Variants in OXR1 observed in about 807,000 individuals in gnomAD.
The protein encoded by OXR1 is oxidation resistance 1, also known as oxidation resistance protein 1.
A neutral mutation model predicts 104.6 loss-of-function variants in OXR1; 41 were observed. The observed-to-expected ratio is 0.39, with a 90% CI of 0.31 to 0.51. The LOEUF is 0.51. OXR1 is among the 20% of genes least tolerant of loss of function. OXR1 has a pLI of 0.77. For synonymous variants in OXR1, 348 were observed against 348.4 expected, an observed-to-expected ratio of 1.00 and a Z score of 0.01; for missense variants, 955 against 1,031.9, an observed-to-expected ratio of 0.93 and a Z score of 1.02.
intron 3 of OXR1, among the ~76,000 whole-genome samples, chr8:106,617,799 A>G (rs1350619856): frequency 2.0e-5 from 3 of 152,216 alleles, no homozygotes; most frequent in South Asian, 2.1e-4. Context: ...TTACTTTATG[A>G]TAAGAAATTG....
chr8:106,666,326 T>C (rs763170891), intron 3 of OXR1, among the ~76,000 whole-genome samples: 21 of 152,218 alleles, frequency 1.4e-4, no homozygotes, highest in Non-Finnish European at 2.8e-4. Flanking sequence ...TGGTAGCCAC[T>C]AGGCAAATAT....
chr8:106,347,629 G>A (rs1207011971), intron 1 of OXR1, among the ~76,000 whole-genome samples: 2 of 152,252 alleles, frequency 1.3e-5, no homozygotes, highest in South Asian at 4.1e-4. Context: ...TGTTCTTGAG[G>A]AATTAGTAAA....
intron 3 of OXR1, among the ~76,000 whole-genome samples, chr8:106,542,754 C>T (rs1334412006): frequency 6.6e-6 from 1 of 151,828 alleles, no homozygotes; most frequent in Non-Finnish European, 1.5e-5. Context: ...AAGTAAATTT[C>T]TCATTATTTA....
At chr8:106,422,775 A>G (rs530189058) in intron 2 of OXR1, among the ~76,000 whole-genome samples, 1 of 152,296 alleles carries the variant, frequency 6.6e-6, no homozygotes, top group East Asian at 1.9e-4. Context: ...AGACTGCCTA[A>G]GGTCACAGTC....
At chr8:106,405,837 C>G (rs1401757348) in intron 2 of OXR1, among the ~76,000 whole-genome samples, 1 of 152,090 alleles carries the variant, frequency 6.6e-6, no homozygotes, top group Admixed American at 6.5e-5. Flanking sequence ...TGTTTATCCA[C>G]AGAATAATAA....
chr8:106,405,907 A>G (rs955860078), intron 2 of OXR1, among the ~76,000 whole-genome samples: 2 of 152,208 alleles, frequency 1.3e-5, no homozygotes, highest in Non-Finnish European at 2.9e-5. Flanking sequence ...TTATGCAGTG[A>G]TAGATAACTG....
chr8:106,316,291 G>T (rs1813934007), intron 1 of OXR1, among the ~76,000 whole-genome samples: 2 of 152,118 alleles, frequency 1.3e-5, no homozygotes, highest in Admixed American at 1.3e-4. Flanking sequence ...ACAAACCCAG[G>T]TTAATAAAAA....
At chr8:106,300,898 G>A (rs1813209350) in intron 1 of OXR1, among the ~76,000 whole-genome samples, 1 of 152,170 alleles carries the variant, frequency 6.6e-6, no homozygotes, top group South Asian at 2.1e-4. Context: ...TATTTCTGCA[G>A]AAATTAGTTG....
At chr8:106,460,669 G>A (rs1379880496) in intron 2 of OXR1, among the ~76,000 whole-genome samples, 1 of 152,098 alleles carries the variant, frequency 6.6e-6, no homozygotes, top group African/African-American at 2.4e-5. Context: ...TCATCTGATG[G>A]TATGTTTCAA....
intron 2 of OXR1, among the ~76,000 whole-genome samples, chr8:106,363,606 A>G (rs1417359045): frequency 6.6e-6 from 1 of 150,496 alleles, no homozygotes; most frequent in East Asian, 1.9e-4. Context: ...ATACTTTGCC[A>G]TCTTCTGTTT....
intron 3 of OXR1, among the ~76,000 whole-genome samples, chr8:106,668,385 CT>C (rs1826572077): frequency 6.6e-6 from 1 of 152,126 alleles, no homozygotes; most frequent in South Asian, 2.1e-4. Flanking sequence ...ATTTTTTAAG[CT>C]CCCAAGCATA....
chr8:106,640,907 A>G lies in OXR1; in HGVS notation c.221-38303A>G, dbSNP rs145757857. Among the ~76,000 whole-genome samples, 785 of 152,344 alleles carry G rather than the reference A, an allele frequency of 5.2e-3. 5 individuals are homozygous for G. The highest frequency in any genetic ancestry group is 0.017 in the African/African-American group (715 of 41,594). Reference sequence around the variant, plus strand: ...TCCAAAATCAAACTAGAACATATGCATACTATAAAGTAAATTTACTTCATT... The same window carrying G: ...TCCAAAATCAAACTAGAACATATGCGTACTATAAAGTAAATTTACTTCATT... On this transcript the variant is annotated intron_variant, in intron 3 of 16. Transcript: ENST00000517566.
chr8:106,670,064 T>C (rs959658651), intron 3 of OXR1, among the ~76,000 whole-genome samples: 3 of 152,162 alleles, frequency 2.0e-5, no homozygotes, highest in African/African-American at 7.2e-5. Context: ...GTAGTGTTGA[T>C]TCCTGAAACA....
At chr8:106,377,155 C>T (rs1256350302) in intron 2 of OXR1, among the ~76,000 whole-genome samples, 1 of 152,120 alleles carries the variant, frequency 6.6e-6, no homozygotes, top group African/African-American at 2.4e-5. Context: ...TATTTCAGTA[C>T]TTCAGAAATG....
intron 3 of OXR1, among the ~76,000 whole-genome samples, chr8:106,563,344 T>C (rs1050439304): frequency 7.4e-5 from 11 of 149,294 alleles, no homozygotes; most frequent in Non-Finnish European, 1.5e-4. Flanking sequence ...GCTATCCTAG[T>C]CTCTGGTAAA....
rs149162892 is a variant in OXR1, at chr8:106,419,386, A to G, written c.23+59750A>G. On this transcript the variant is annotated intron_variant, in intron 2 of 16. Transcript: ENST00000517566. ...GGTGTATTGGTTTGTTCAAGGTCAC[A>G]TGATGAGTCTGTCAGCAGATCTGCA... Among the ~76,000 whole-genome samples, 355 of 152,316 alleles carry G rather than the reference A, an allele frequency of 2.3e-3. 1 individual carries two copies. The highest frequency in any genetic ancestry group is 7.8e-3 in the African/African-American group (326 of 41,594).
intron 3 of OXR1, among the ~76,000 whole-genome samples, chr8:106,579,925 T>C (rs892013972): frequency 6.6e-6 from 1 of 150,888 alleles, no homozygotes; most frequent in Middle Eastern, 3.4e-3. Context: ...AGCAGAAGCA[T>C]GTGCATTCTG....
At chr8:106,346,787 C>A (rs924989279) in intron 1 of OXR1, among the ~76,000 whole-genome samples, 1 of 152,094 alleles carries the variant, frequency 6.6e-6, no homozygotes, top group Non-Finnish European at 1.5e-5. Flanking sequence ...CGCTTGTAAT[C>A]CCAGCACTTT....
At chr8:106,684,710 A>G (rs1828520283) in intron 6 of OXR1, among the ~76,000 whole-genome samples, 1 of 152,172 alleles carries the variant, frequency 6.6e-6, no homozygotes, top group Non-Finnish European at 1.5e-5. Context: ...TCATCTATAA[A>G]TAAATGAGTA....
Sources: gnomAD v4.1 joint callset for allele counts (sites outside exome capture counted in the v4.1 genomes callset) on GRCh38, gnomAD v4.1.1 for gene constraint, MANE v1.5 for transcripts, NCBI Gene and HGNC (gene_info 2026-07-23, HGNC 2026-07-21) for gene names.